The following TEX11 variants were observed in gnomAD, a reference collection of about 807,000 sequenced individuals.
TEX11 encodes testis expressed 11, also known as testis-expressed protein 11.
TEX11 carries 7 observed loss-of-function variants against 84.4 expected under a neutral mutation model. The observed-to-expected ratio is 0.08, with a 90% CI of 0.05 to 0.16. The LOEUF is 0.16. Among genes scored for constraint, TEX11 ranks in the 10% least tolerant of loss-of-function variants. TEX11 has a pLI of 1.00. For synonymous variants in TEX11, 264 were observed against 222.8 expected (o/e 1.18, Z -1.64); for missense variants, 551 against 660.5 (o/e 0.83, Z 1.82).
chrX:70,769,760 C>T (rs1399999673), intron 9 of TEX11, among the ~76,000 whole-genome samples: 1 of 111,343 alleles, frequency 9.0e-6, no homozygotes, highest in Admixed American at 9.6e-5. Flanking sequence ...TGTAAGATTT[C>T]TTCCAGCTCT....
intron 4 of TEX11, among the ~76,000 whole-genome samples, chrX:70,861,249 G>A (rs1252806119): frequency 9.5e-6 from 1 of 105,380 alleles, no homozygotes; most frequent in Non-Finnish European, 1.9e-5. Context: ...TTTTAGTAGA[G>A]ACGGGGTTTC....
intron 28 of TEX11, among the ~76,000 whole-genome samples, chrX:70,537,701 G>T (rs1399078172): frequency 2.7e-5 from 3 of 111,497 alleles, no homozygotes; most frequent in Non-Finnish European, 5.6e-5. Flanking sequence ...AGGGAGATTA[G>T]ACTCAATAGA....
intron 2 of TEX11, among the ~76,000 whole-genome samples, chrX:70,896,627 C>T (rs1602219935): frequency 1.8e-5 from 2 of 111,409 alleles, no homozygotes; most frequent in African/African-American, 6.5e-5. Flanking sequence ...CCCAAACGCC[C>T]ATCAATGATA....
intron 2 of TEX11, among the ~76,000 whole-genome samples, chrX:70,906,551 G>C (rs1213484692): frequency 1.8e-5 from 2 of 111,202 alleles, no homozygotes; most frequent in African/African-American, 6.5e-5. Context: ...ACTTTGGGAG[G>C]CCGAGGCAGG....
At chrX:70,836,442 A>G (rs1569452261) in intron 7 of TEX11, among the ~76,000 whole-genome samples, 1 of 112,114 alleles carries the variant, frequency 8.9e-6, no homozygotes, top group Non-Finnish European at 1.9e-5. Flanking sequence ...CACATCTAGA[A>G]TATATAAATA....
intron 25 of TEX11, among the ~76,000 whole-genome samples, 176 bp downstream of exon 25, chrX:70,591,575 C>A (rs897397564): frequency 9.0e-6 from 1 of 110,914 alleles, no homozygotes; most frequent in African/African-American, 3.3e-5. Context: ...CGCGCTCCAG[C>A]CTGGGTGACA....
chrX:70,684,523 T>C (rs1197894017), intron 13 of TEX11, among the ~76,000 whole-genome samples: 1 of 111,428 alleles, frequency 9.0e-6, no homozygotes, highest in Non-Finnish European at 1.9e-5. Flanking sequence ...GAGGTGGAGG[T>C]TGCAGTGAGC....
intron 4 of TEX11, among the ~76,000 whole-genome samples, chrX:70,863,802 C>T (rs924575127): frequency 9.0e-6 from 1 of 111,265 alleles, no homozygotes; most frequent in East Asian, 2.8e-4. Context: ...GCATGTTCTA[C>T]CCAATGCAAG....
At chrX:70,785,678 C>G (rs1201159823) in intron 9 of TEX11, among the ~76,000 whole-genome samples, 1 of 112,102 alleles carries the variant, frequency 8.9e-6, no homozygotes, top group Non-Finnish European at 1.9e-5. Context: ...AGACACTTCT[C>G]AAAAGAAAAC....
At chrX:70,568,060 C>G (rs1419048402) in intron 25 of TEX11, among the ~76,000 whole-genome samples, 1 of 111,321 alleles carries the variant, frequency 9.0e-6, no homozygotes, top group Non-Finnish European at 1.9e-5. Context: ...GTAGGTCACT[C>G]AGGAGTTGCT....
chrX:70,567,244 G>T (rs1215345389), intron 25 of TEX11, among the ~76,000 whole-genome samples: 1 of 110,673 alleles, frequency 9.0e-6, no homozygotes, highest in African/African-American at 3.3e-5. Flanking sequence ...TGGGATCGGT[G>T]GTGATATCCC....
At chrX:70,592,359 ACTCT>A (rs2147499233) in intron 24 of TEX11, among the ~76,000 whole-genome samples, 1 of 110,690 alleles carries the variant, frequency 9.0e-6, no homozygotes, top group East Asian at 2.9e-4. Flanking sequence ...AGAAGATAGG[ACTCT>A]CTCTACCTCC....
chrX:70,701,212 AC>A (rs1011606379), intron 13 of TEX11, among the ~76,000 whole-genome samples: 3 of 112,416 alleles, frequency 2.7e-5, no homozygotes, highest in African/African-American at 9.7e-5. Context: ...GCCATCTAGA[AC>A]TTTATAGCTA....
intron 9 of TEX11, among the ~76,000 whole-genome samples, chrX:70,759,272 G>A (rs2090891545): frequency 9.0e-6 from 1 of 111,557 alleles, no homozygotes; most frequent in African/African-American, 3.3e-5. Context: ...ATTTTATGAG[G>A]CCAACATCAT....
intron 28 of TEX11, among the ~76,000 whole-genome samples, chrX:70,536,579 A>T (rs893272657): frequency 1.8e-5 from 2 of 111,742 alleles, no homozygotes; most frequent in Admixed American, 1.9e-4. Context: ...CATTTTACCA[A>T]TTGTTCCCTC....
At chrX:70,706,240 T>C (rs1033700119) in intron 13 of TEX11, among the ~76,000 whole-genome samples, 15 of 103,729 alleles carry the variant, frequency 1.4e-4, no homozygotes, top group African/African-American at 5.0e-4. Flanking sequence ...TTCTCACTCA[T>C]AGGTGGGAAT....
intron 8 of TEX11, among the ~76,000 whole-genome samples, chrX:70,813,541 G>T: frequency 9.0e-6 from 1 of 111,495 alleles, no homozygotes; most frequent in Admixed American, 9.5e-5. Context: ...ACTGGCACAA[G>T]AGAGGGATGC....
chrX:70,858,692 A>G (rs2091551385), intron 5 of TEX11, among the ~76,000 whole-genome samples: 1 of 111,672 alleles, frequency 9.0e-6, no homozygotes, highest in Non-Finnish European at 1.9e-5. Context: ...TTAGAAACAC[A>G]CACTGAAATA....
chrX:70,730,719 C>A (rs928068034), intron 11 of TEX11, among the ~76,000 whole-genome samples: 1 of 111,363 alleles, frequency 9.0e-6, no homozygotes, highest in East Asian at 2.8e-4. Context: ...CTTTAACACC[C>A]CACTGTCAAC....
Sources: allele counts gnomAD v4.1 joint callset (sites outside exome capture counted in the v4.1 genomes callset), GRCh38; gene constraint gnomAD v4.1.1; transcripts MANE v1.5; gene names NCBI Gene and HGNC (gene_info 2026-07-23, HGNC 2026-07-21).